The following PPP1R9A variants were observed in gnomAD, a reference collection of about 807,000 sequenced individuals.
PPP1R9A encodes protein phosphatase 1 regulatory subunit 9A.
Under a neutral mutation model 141.9 loss-of-function variants are expected in PPP1R9A, and 59 were observed. The observed-to-expected ratio is 0.42, with a 90% confidence interval of 0.34 to 0.52. The LOEUF is 0.52. Among genes scored for constraint, PPP1R9A ranks in the 20% least tolerant of loss-of-function variants. PPP1R9A has a pLI of 0.10. For missense variants in PPP1R9A, 1,444 were observed against 1,611.9 expected (o/e 0.90, Z 1.78); for synonymous variants, 500 against 569.7 (o/e 0.88, Z 1.74).
At chr7:95,272,768 A>G (rs1180947371) in intron 14 of PPP1R9A, among the ~76,000 whole-genome samples, 2 of 152,162 alleles carry the variant, frequency 1.3e-5, no homozygotes, top group African/African-American at 4.8e-5. Flanking sequence ...ATCATGAGCA[A>G]CATTAACCTG....
At chr7:95,112,780 T>C (rs1295985802) in intron 3 of PPP1R9A, among the ~76,000 whole-genome samples, 1 of 151,888 alleles carries the variant, frequency 6.6e-6, no homozygotes, top group African/African-American at 2.4e-5. Context: ...AGCAACATGG[T>C]TGGAGCTGGA....
intron 2 of PPP1R9A, among the ~76,000 whole-genome samples, chr7:94,938,199 T>C (rs1418669570): frequency 1.3e-5 from 2 of 152,142 alleles, no homozygotes; most frequent in African/African-American, 4.8e-5. Context: ...CATTTGATTC[T>C]TAAAGGTGCA....
intron 2 of PPP1R9A, among the ~76,000 whole-genome samples, chr7:95,068,473 G>GAAAA (rs36043693): frequency 7.9e-4 from 74 of 94,200 alleles, no homozygotes; most frequent in East Asian, 1.5e-3. Context: ...CTTGTCTCAA[G>GAAAA]AAAAAAAAAA....
chr7:95,152,771 GATA>G (rs1037668411), intron 4 of PPP1R9A, among the ~76,000 whole-genome samples: 2 of 150,592 alleles, frequency 1.3e-5, no homozygotes, highest in Non-Finnish European at 2.9e-5. Context: ...ATAGGAACTT[GATA>G]ATAATGCCTA....
intron 2 of PPP1R9A, among the ~76,000 whole-genome samples, chr7:95,099,268 A>C (rs1008570255): frequency 6.6e-6 from 1 of 152,136 alleles, no homozygotes; most frequent in Non-Finnish European, 1.5e-5. Context: ...ACTGCCCCCA[A>C]ATGGTTGCCA....
At chr7:95,162,120 A>G (rs536529703) in intron 5 of PPP1R9A, 149 bp downstream of exon 5, 2 of 495,840 alleles carry the variant, frequency 4.0e-6, no homozygotes, top group South Asian at 4.3e-5. Flanking sequence ...TTTCACCTTT[A>G]TTATAATTAG....
intron 8 of PPP1R9A, among the ~76,000 whole-genome samples, chr7:95,235,963 G>A (rs972027306): frequency 2.0e-5 from 3 of 152,170 alleles, no homozygotes; most frequent in African/African-American, 7.2e-5. Flanking sequence ...AAAGGCATGA[G>A]TGATAAGTTG....
At chr7:94,912,848 G>T (rs1000890578) in intron 2 of PPP1R9A, among the ~76,000 whole-genome samples, 4 of 151,994 alleles carry the variant, frequency 2.6e-5, no homozygotes, top group Admixed American at 6.6e-5. Context: ...AAGTTTCTTT[G>T]CAGTGCTTTA....
In PPP1R9A at chr7:95,252,099, G is replaced by C; in HGVS notation, c.2634G>C (p.Lys878Asn). The change falls in exon 12 of 20, where the codon AAG becomes AAC. Residue 878 changes from lysine to asparagine, a missense_variant. This residue lies in a region of PPP1R9A where 488 missense variants were observed against 542.0 expected (regional missense o/e 0.90). Transcript: ENST00000433360. ...ATACCATGGAGAACTTGGATGGCAA[G>C]CAGACATCTTGCCAAGATGGCCTAA... ...KGDTMENLDG[K>N]QTSCQDGLSQ... The C allele has an allele frequency of 6.2e-7, 1 of 1,602,348 alleles. No individual in the cohort carries two copies. Among genetic ancestry groups the C allele is most frequent in the Middle Eastern group, 1.7e-4 (1 of 5,976 alleles).
Position 95,041,670 on chromosome 7 carries a change from C to T in PPP1R9A, c.1396-69589C>T, listed in dbSNP as rs545619720. 5.4e-4 allele frequency among the ~76,000 whole-genome samples: 82 copies of T among 152,182 alleles called. 1 individual carries two copies. The South Asian group carries it at 0.017, about 31-fold the overall frequency. On this transcript the variant is annotated intron_variant, in intron 2 of 19. Transcript: ENST00000433360. The stretch of plus-strand genomic sequence containing the variant: ...TTTGTAGTTTCTCGTAACTAGAAAT[C>T]TCATGCTTTTCTGAAATAGGAATAA...
intron 8 of PPP1R9A, among the ~76,000 whole-genome samples, chr7:95,239,342 G>T (rs1371782066): frequency 6.6e-6 from 1 of 152,120 alleles, no homozygotes; most frequent in Non-Finnish European, 1.5e-5. Context: ...GCAGTTGCTG[G>T]ATAAACACCA....
chr7:94,928,246 G>A (rs1793727639), intron 2 of PPP1R9A, among the ~76,000 whole-genome samples: 1 of 150,892 alleles, frequency 6.6e-6, no homozygotes, highest in African/African-American at 2.5e-5. Context: ...TGAAGGGGGT[G>A]TGTGTGTGTG....
At chr7:95,148,960 A>G (rs1303659598) in intron 4 of PPP1R9A, among the ~76,000 whole-genome samples, 2 of 152,090 alleles carry the variant, frequency 1.3e-5, no homozygotes, top group Admixed American at 6.5e-5. Context: ...AAACAAATAT[A>G]TATCAATATG....
chr7:94,984,444 G>A (rs1211275093), intron 2 of PPP1R9A, among the ~76,000 whole-genome samples: 10 of 152,124 alleles, frequency 6.6e-5, no homozygotes, highest in Admixed American at 4.6e-4. Flanking sequence ...GAATTTGGCT[G>A]TGAATCCATC....
chr7:95,048,901 A>C (rs1300344526), intron 2 of PPP1R9A, among the ~76,000 whole-genome samples: 2 of 152,164 alleles, frequency 1.3e-5, no homozygotes, highest in Non-Finnish European at 2.9e-5. Flanking sequence ...CATTTATATA[A>C]GTGTATCTGT....
At chr7:95,132,311 T>G (rs1378822682) in intron 4 of PPP1R9A, among the ~76,000 whole-genome samples, 1 of 152,234 alleles carries the variant, frequency 6.6e-6, no homozygotes, top group African/African-American at 2.4e-5. Flanking sequence ...GGCCTAATGT[T>G]GACTGTGGGT....
chr7:95,104,690 C>T (rs1046184826), intron 2 of PPP1R9A, among the ~76,000 whole-genome samples: 2 of 152,108 alleles, frequency 1.3e-5, no homozygotes, highest in Non-Finnish European at 2.9e-5. Context: ...TACCTATTGT[C>T]GATCAGTGAA....
Position 95,081,345 on chromosome 7 carries a change from C to A in PPP1R9A, c.1396-29914C>A, listed in dbSNP as rs573845007. Among the ~76,000 whole-genome samples the A allele has an allele frequency of 7.9e-5, 12 of 152,080 alleles. No homozygotes were observed. The East Asian group carries it at 2.3e-3, about 29-fold the overall frequency. ...TGACATAAATGGAAGAATTAGTATACAAGAATATTAAAATAGTTATTTTAA... is the reference window on the plus strand; with the variant it reads ...TGACATAAATGGAAGAATTAGTATAAAAGAATATTAAAATAGTTATTTTAA... On this transcript the variant is annotated intron_variant, in intron 2 of 19. Coordinates refer to ENST00000433360, the MANE Select transcript of PPP1R9A (RefSeq NM_001166160.2).
At chr7:95,194,618 C>T (rs1477761944) in intron 5 of PPP1R9A, among the ~76,000 whole-genome samples, 8 of 150,706 alleles carry the variant, frequency 5.3e-5, no homozygotes, top group Admixed American at 3.3e-4. Context: ...TTAGCAAGGT[C>T]GCAGAATACA....
Sources: allele counts gnomAD v4.1 joint callset (sites outside exome capture counted in the v4.1 genomes callset), GRCh38; gene constraint gnomAD v4.1.1; regional missense constraint gnomAD v4.1.1; transcripts MANE v1.5; gene names NCBI Gene and HGNC (gene_info 2026-07-23, HGNC 2026-07-21).